TIMM23B: variants seen among roughly 807,000 people sequenced by gnomAD.
TIMM23B encodes the protein mitochondrial import inner membrane translocase subunit Tim23B.
TIMM23B carries 27 observed loss-of-function variants against 27.3 expected under a neutral mutation model. The ratio of observed to expected loss-of-function variants is 0.99; its 90% CI spans 0.73 to 1.36. TIMM23B has a LOEUF of 1.36. Ranked by LOEUF, TIMM23B falls within the 40% of genes most tolerant of loss-of-function variation. TIMM23B has a pLI of 0.00. For missense variants in TIMM23B, 205 were observed against 244.2 expected (o/e 0.84, Z 1.07); for synonymous variants, 73 against 92.4 (o/e 0.79, Z 1.21).
intron 1 of TIMM23B, among the ~76,000 whole-genome samples, chr10:49,943,812 A>G (rs1839262202): frequency 6.6e-6 from 1 of 151,248 alleles, no homozygotes; most frequent in African/African-American, 2.4e-5. Flanking sequence ...AGGTAAACCA[A>G]CAAACATAAA....
chr10:49,971,349 A>G (rs1471241596), intron 6 of TIMM23B, among the ~76,000 whole-genome samples: 1 of 151,328 alleles, frequency 6.6e-6, no homozygotes, highest in East Asian at 1.9e-4. Flanking sequence ...AAAAAAAAAA[A>G]TACTGCAAGA....
intron 6 of TIMM23B, among the ~76,000 whole-genome samples, chr10:49,970,832 C>T (rs1840409412): frequency 6.6e-6 from 1 of 152,234 alleles, no homozygotes; most frequent in African/African-American, 2.4e-5. Flanking sequence ...GGAGGTGTAC[C>T]CAACAGCTCA....
intron 5 of TIMM23B, among the ~76,000 whole-genome samples, chr10:49,955,873 C>G (rs1839700636): frequency 6.6e-6 from 1 of 152,190 alleles, no homozygotes; most frequent in Middle Eastern, 3.2e-3. Flanking sequence ...TAAGAGATGG[C>G]TGCTTTCATA....
At chr10:49,957,774 T>C (rs1839774654) in intron 5 of TIMM23B, among the ~76,000 whole-genome samples, 1 of 152,052 alleles carries the variant, frequency 6.6e-6, no homozygotes, top group Non-Finnish European at 1.5e-5. Context: ...ATGTGGAAAA[T>C]TGATTGGATA....
intron 2 of TIMM23B, among the ~76,000 whole-genome samples, chr10:49,946,151 C>G: frequency 6.7e-6 from 1 of 150,332 alleles, no homozygotes; most frequent in Non-Finnish European, 1.5e-5. Flanking sequence ...GAACACCCCA[C>G]TACACTCCAG....
chr10:49,948,010 C>G (rs1470296144), intron 2 of TIMM23B, among the ~76,000 whole-genome samples: 1 of 152,048 alleles, frequency 6.6e-6, no homozygotes, highest in Admixed American at 6.5e-5. Flanking sequence ...GAATTTATAT[C>G]TAGAATATTT....
chr10:49,966,093 G>GACATGAC (rs1330809689), intron 6 of TIMM23B, among the ~76,000 whole-genome samples: 21 of 110,920 alleles, frequency 1.9e-4, no homozygotes, highest in African/African-American at 5.7e-4. Flanking sequence ...GACATGACAT[G>GACATGAC]ACATGATGAA....
chr10:49,964,607 GTGAAA>G (rs1267015178), intron 6 of TIMM23B, among the ~76,000 whole-genome samples: 8 of 150,152 alleles, frequency 5.3e-5, no homozygotes, highest in East Asian at 2.0e-4. Context: ...GAAATGCCGG[GTGAAA>G]TGAAATGAAA....
At chr10:49,966,806 C>T (rs113779979) in intron 6 of TIMM23B, among the ~76,000 whole-genome samples, 1 of 152,186 alleles carries the variant, frequency 6.6e-6, no homozygotes, top group Non-Finnish European at 1.5e-5. Flanking sequence ...GCCTGGGCAG[C>T]TGAGCGAAAC....
rs1385480729 is a variant in TIMM23B at position 49,958,576 on chromosome 10, T to C, written c.514+96T>C. On this transcript the variant is annotated intron_variant, in intron 6 of 6. Transcript: ENST00000651259. ...AAGGAAATTACACTCTGTTGCAGTA[T>C]AATCTAGTGTTCTAACTTTATGGTT... 1.4e-5 allele frequency: 12 copies of C among 855,294 alleles called. No homozygotes were observed. The African/African-American group carries it at 1.9e-4, about 13-fold the overall frequency. 53.0% of individuals were successfully genotyped at this position (855,294 alleles called of 1,614,324 possible). A position where few individuals can be genotyped will look rare whatever the true frequency, so the allele number is the denominator to read the frequency against.
chr10:49,951,449 G>GT (rs1223250542), intron 2 of TIMM23B, among the ~76,000 whole-genome samples: 1 of 151,460 alleles, frequency 6.6e-6, no homozygotes, highest in Non-Finnish European at 1.5e-5. Flanking sequence ...TTTTGAGTGT[G>GT]TTTTTCATAA....
At chr10:49,949,303 T>A (rs1175812412) in intron 2 of TIMM23B, among the ~76,000 whole-genome samples, 2 of 151,760 alleles carry the variant, frequency 1.3e-5, no homozygotes, top group East Asian at 3.9e-4. Context: ...TTGCGTTAAG[T>A]GTTCAAATTG....
chr10:49,957,856 A>G (rs1175986008), intron 5 of TIMM23B, among the ~76,000 whole-genome samples: 1 of 152,190 alleles, frequency 6.6e-6, no homozygotes, highest in Non-Finnish European at 1.5e-5. Flanking sequence ...CTACTAATAG[A>G]CTGGGCACAG....
intron 2 of TIMM23B, among the ~76,000 whole-genome samples, chr10:49,947,353 A>G (rs1474109592): frequency 6.6e-6 from 1 of 152,242 alleles, no homozygotes. Context: ...CACACCTGTA[A>G]TCCCAGCACT....
chr10:49,968,250 G>A (rs566047285), intron 6 of TIMM23B, among the ~76,000 whole-genome samples: 2,954 of 152,308 alleles, frequency 0.019, 21 homozygotes, highest in African/African-American at 0.05. Context: ...GTTGGAGAAA[G>A]TGTTGTGAGC....
intron 2 of TIMM23B, 37 bp downstream of exon 2, chr10:49,945,127 T>G: frequency 6.2e-7 from 1 of 1,609,624 alleles, no homozygotes; most frequent in Non-Finnish European, 8.5e-7. Flanking sequence ...TGCATTATTT[T>G]ACCATTTTTA....
intron 6 of TIMM23B, chr10:49,970,381 T>C (rs1840375488): frequency 1.2e-5 from 2 of 172,738 alleles, no homozygotes; most frequent in African/African-American, 4.9e-5. Flanking sequence ...TCGTCTGAGA[T>C]GAGGGGAGCG....
At position 49,945,116 on chromosome 10, in the gene TIMM23B, G is replaced by T. The variant is rs1450441805; in HGVS notation, c.165+26G>T. The T allele has an allele frequency of 1.2e-5, 20 of 1,610,242 alleles. No homozygotes were observed. The South Asian group carries it at 1.5e-4, about 12-fold the overall frequency. On this transcript the variant is annotated intron_variant, in intron 2 of 6. Transcript: ENST00000651259. ...GTAAGACTAAGATTTTACTAGTTTG[G>T]TGCATTATTTTACCATTTTTAAAAA... is the stretch of plus-strand genomic sequence containing the variant.
At chr10:49,958,139 C>G (rs1564683506) in intron 5 of TIMM23B, among the ~76,000 whole-genome samples, 1 of 152,144 alleles carries the variant, frequency 6.6e-6, no homozygotes, top group South Asian at 2.1e-4. Flanking sequence ...CTTCTGAGGC[C>G]TGAAGTGCCC....
Sources: gnomAD v4.1 joint callset for allele counts (sites outside exome capture counted in the v4.1 genomes callset) on GRCh38, gnomAD v4.1.1 for gene constraint, MANE v1.5 for transcripts, NCBI Gene and HGNC (gene_info 2026-07-23, HGNC 2026-07-21) for gene names.